Variants in RIPK4 observed in about 807,000 individuals in gnomAD.
The protein encoded by RIPK4 is receptor interacting serine/threonine kinase 4.
RIPK4 carries 17 observed loss-of-function variants against 42.9 expected under a neutral mutation model. The observed-to-expected ratio is 0.40, with a 90% CI of 0.27 to 0.59. The LOEUF is 0.59. Among genes scored for constraint, RIPK4 ranks in the 20% least tolerant of loss-of-function variants. RIPK4 has a pLI of 0.47. For synonymous variants in RIPK4, 498 were observed against 499.1 expected (o/e 1.00, Z 0.03); for missense variants, 897 against 1,104.4 (o/e 0.81, Z 2.66).
chr21:41,750,712 C>T (rs1478180049), intron 3 of RIPK4, among the ~76,000 whole-genome samples: 1 of 152,170 alleles, frequency 6.6e-6, no homozygotes. Context: ...CAGGGTCGCG[C>T]TCTGTTGCCC....
intron 1 of RIPK4, among the ~76,000 whole-genome samples, chr21:41,764,657 A>G (rs911794926): frequency 9.9e-5 from 15 of 152,244 alleles, no homozygotes; most frequent in African/African-American, 3.6e-4. Flanking sequence ...TTCAAGGCCT[A>G]GGTACAACCT....
chr21:41,740,663 TG>T lies in RIPK4; in HGVS notation c.*174del. ...CATGTGCACCTGAGCCAGCTTCACCTGGAGGGGACACTCCGGTCAGCAGCAG... is the reference window on the plus strand; with the variant it reads ...CATGTGCACCTGAGCCAGCTTCACCTGAGGGGACACTCCGGTCAGCAGCAG... On this transcript the variant is annotated 3_prime_UTR_variant, in exon 8 of 8. Coordinates refer to ENST00000332512, the MANE Select transcript of RIPK4 (RefSeq NM_020639.3). The T allele has an allele frequency of 1.6e-6, 1 of 644,342 alleles. No individual in the cohort carries two copies. Among genetic ancestry groups the T allele is most frequent in the Non-Finnish European group, 2.6e-6 (1 of 383,850 alleles). The allele number at this position is 644,342 out of a possible 1,614,324, so 39.9% of individuals were successfully genotyped here. A position where few individuals can be genotyped will look rare whatever the true frequency, so the allele number is the denominator to read the frequency against.
Position 41,766,854 on chromosome 21 carries a change from G to A in RIPK4, c.182+6C>T, listed in dbSNP as rs1244679123. On this transcript the variant is annotated splice_donor_region_variant and intron_variant, in intron 1 of 7. Transcript: ENST00000332512. ...GCCGCCCCAGCGCCCCGCCCGGGCC[G>A]CTCACCTGTCGTCGACGTGCAGGCT... 3.1e-6 allele frequency: 5 copies of A among 1,604,610 alleles called. 1 individual carries two copies. In the South Asian group the frequency reaches 3.3e-5, roughly 11 times the overall value.
At chr21:41,757,998 C>CAAAAAAAAA (rs530283443) in intron 1 of RIPK4, among the ~76,000 whole-genome samples, 3 of 13,080 alleles carry the variant, frequency 2.3e-4, no homozygotes, top group African/African-American at 4.4e-4. Flanking sequence ...GACTCCATAA[C>CAAAAAAAAA]AAAAAAAAAA....
At chr21:41,766,239 G>C (rs1192012735) in intron 1 of RIPK4, among the ~76,000 whole-genome samples, 1 of 152,242 alleles carries the variant, frequency 6.6e-6, no homozygotes, top group East Asian at 1.9e-4. Flanking sequence ...GAGCCCCGGA[G>C]CTCCACCGCG....
chr21:41,748,336 G>A (rs1054883658), intron 4 of RIPK4, among the ~76,000 whole-genome samples: 7 of 152,138 alleles, frequency 4.6e-5, no homozygotes, highest in East Asian at 1.9e-4. Context: ...AGACATTTTC[G>A]GTCACACCAC....
At chr21:41,752,230 A>T (rs530734604) in intron 2 of RIPK4, among the ~76,000 whole-genome samples, 21 of 152,274 alleles carry the variant, frequency 1.4e-4, no homozygotes, top group Admixed American at 3.9e-4. Context: ...GGATTTTTTT[A>T]AAAACCCTTT....
At chr21:41,752,563 C>T (rs1375163475) in intron 2 of RIPK4, among the ~76,000 whole-genome samples, 1 of 152,220 alleles carries the variant, frequency 6.6e-6, no homozygotes, top group Non-Finnish European at 1.5e-5. Flanking sequence ...CAGGCCTGCA[C>T]CGCCCTTGAG....
At chr21:41,746,281 C>T (rs567661783) in intron 5 of RIPK4, 20 of 581,366 alleles carry the variant, frequency 3.4e-5, no homozygotes, top group African/African-American at 1.5e-4. Context: ...GCGACGCCGC[C>T]GGCCACCGGC....
At chr21:41,754,276 A>C (rs6586235) in intron 2 of RIPK4, among the ~76,000 whole-genome samples, 81,709 of 152,052 alleles carry the variant, frequency 0.54, 22,200 homozygotes, top group Middle Eastern at 0.62. Context: ...TCCCTGCTGC[A>C]CTCTACGCAC....
chr21:41,755,869 C>T lies in RIPK4; in HGVS notation c.474+656G>A, dbSNP rs774821380. 7.2e-5 allele frequency among the ~76,000 whole-genome samples: 11 copies of T among 152,258 alleles called. No individual in the cohort carries two copies. The highest frequency in any genetic ancestry group is 1.3e-4 in the Admixed American group (2 of 15,292). On this transcript the variant is annotated intron_variant, in intron 2 of 7. Coordinates refer to ENST00000332512, the MANE Select transcript of RIPK4 (RefSeq NM_020639.3). This position sits in a 1 kb window ranked among gnomAD's most constrained non-coding sequence, Gnocchi z 4.2. ...GATGCAAAGGTGATGATGCTAACAC[C>T]TGCCAAGGCCCAGAGGCAACACTGG...
rs1329710937 is a variant in RIPK4, at chr21:41,741,167, G to C, written c.2026C>G (p.Leu676Val). Residue 676 changes from leucine to valine, a missense_variant, in exon 8 of 8, where the codon CTG becomes GTG. Physicochemically the swap from Leu to Val is conservative, Grantham distance 32. Coordinates refer to ENST00000332512, the MANE Select transcript of RIPK4 (RefSeq NM_020639.3). ...GCCAGGTGTCCGTTGCGGGCAGCCA[G>C]GTGCAGAGCGGTGTAGCCGTCTGAG... ...MTSDGYTALHLAARNGHLATV... is the reference protein window; with the variant it reads ...MTSDGYTALHVAARNGHLATV... The C allele has an allele frequency of 1.2e-6, 2 of 1,612,568 alleles. No homozygotes were observed. The highest frequency in any genetic ancestry group is 1.3e-5 in the African/African-American group (1 of 75,052).
Position 41,743,869 on chromosome 21 carries a change from C to T in RIPK4, c.1195+13G>A, listed in dbSNP as rs757273905. Reference sequence around the variant, plus strand: ...CCCAGCATCTCTCGGGACACAGAGGCGTCCCCACTCACCGCTGGTTGAAGG... The same window carrying T: ...CCCAGCATCTCTCGGGACACAGAGGTGTCCCCACTCACCGCTGGTTGAAGG... On this transcript the variant is annotated intron_variant, in intron 7 of 7. Coordinates refer to ENST00000332512, the MANE Select transcript of RIPK4 (RefSeq NM_020639.3). 23 of 1,578,576 alleles carry T rather than the reference C, an allele frequency of 1.5e-5. No homozygotes were observed. The highest frequency in any genetic ancestry group is 2.3e-5 in the South Asian group (2 of 86,186).
chr21:41,757,378 C>G (rs1268248332), intron 1 of RIPK4, among the ~76,000 whole-genome samples: 1 of 151,864 alleles, frequency 6.6e-6, no homozygotes, highest in South Asian at 2.1e-4. Flanking sequence ...AAAAATTAGC[C>G]GGGCATGGTG....
chr21:41,746,901 C>T (rs1367971378), intron 4 of RIPK4, 130 bp from the exon 5 acceptor site: 6 of 1,024,556 alleles, frequency 5.9e-6, no homozygotes, highest in Non-Finnish European at 8.4e-6. Flanking sequence ...GGAGACGGCT[C>T]CCCCACTCCG....
intron 1 of RIPK4, among the ~76,000 whole-genome samples, chr21:41,763,421 C>T (rs2061226781): frequency 6.6e-6 from 1 of 152,120 alleles, no homozygotes; most frequent in South Asian, 2.1e-4. Flanking sequence ...GCGGTTTCCC[C>T]TGCAAGCACG....
intron 6 of RIPK4, among the ~76,000 whole-genome samples, chr21:41,745,039 A>G (rs1165836159): frequency 6.6e-6 from 1 of 151,998 alleles, no homozygotes; most frequent in African/African-American, 2.4e-5. Flanking sequence ...AGCCACCCCT[A>G]CATGTTGGTT....
intron 2 of RIPK4, among the ~76,000 whole-genome samples, chr21:41,752,884 A>G (rs1352887812): frequency 6.6e-6 from 1 of 152,188 alleles, no homozygotes; most frequent in Non-Finnish European, 1.5e-5. Context: ...GCGGGTCTTA[A>G]AACCTAGGTG....
chr21:41,744,119 G>T lies in RIPK4; in HGVS notation c.958C>A (p.Arg320=). 1 of 1,597,828 alleles carries T rather than the reference G, an allele frequency of 6.3e-7. No individual in the cohort carries two copies. The highest frequency in any genetic ancestry group is 8.5e-7 in the Non-Finnish European group (1 of 1,170,678). ...RSEVVPARLK[R]ASAPTFDNDY... Reference sequence around the variant, plus strand: ...TTATCGAAGGTGGGGGCAGAGGCCCGCTTGAGCCTCGCAGGCACCACCTGC... The same window carrying T: ...TTATCGAAGGTGGGGGCAGAGGCCCTCTTGAGCCTCGCAGGCACCACCTGC... Residue 320 remains arginine (R), a synonymous_variant, in exon 7 of 8, where the codon CGG becomes AGG. Transcript: ENST00000332512.
Sources: allele counts gnomAD v4.1 joint callset (sites outside exome capture counted in the v4.1 genomes callset), GRCh38; gene constraint gnomAD v4.1.1; non-coding constraint Gnocchi (gnomAD v3.1); transcripts MANE v1.5; gene names NCBI Gene and HGNC (gene_info 2026-07-23, HGNC 2026-07-21).